Variants in NPAS4 observed in about 807,000 individuals in gnomAD.
NPAS4 encodes neuronal PAS domain protein 4.
In NPAS4, 10 loss-of-function variants were observed where a neutral mutation model predicts 64.0. That is an observed-to-expected ratio of 0.16 (90% CI 0.10 to 0.26). The LOEUF (loss-of-function observed/expected upper bound fraction) is 0.26. Ranked by LOEUF, NPAS4 falls within the 10% of genes least tolerant of loss-of-function variation. NPAS4 has a pLI of 1.00. For missense variants in NPAS4, 886 were observed against 992.6 expected, an observed-to-expected ratio of 0.89 and a Z score of 1.44; for synonymous variants, 441 against 411.7, an observed-to-expected ratio of 1.07 and a Z score of -0.86.
chr11:66,409,230 C>G, the NPAS4 span: 8 of 144,270 alleles, frequency 5.5e-5, no homozygotes, highest in African/African-American at 1.0e-4. Context: ...GAGCCCCGCG[C>G]CGGGCCGGGG....
In NPAS4 at chr11:66,423,191, C is replaced by T. The variant is rs1200884632; in HGVS notation, c.767C>T (p.Pro256Leu). The change falls in exon 5 of 8, where the codon CCC becomes CTC. Residue 256 changes from proline to leucine, a missense_variant. By Grantham distance (98) the Pro-to-Leu change is moderately conservative. This residue lies in a region of NPAS4 where 820 missense variants were observed against 855.5 expected (regional missense o/e 0.96). Transcript: ENST00000311034. ...LCKSWYGLLHPEDLAHASAQH... is the reference protein window; with the variant it reads ...LCKSWYGLLHLEDLAHASAQH... ...AAATCATGGTATGGACTGCTGCACC[C>T]CGAGGACCTGGCCCACGCTTCTGCT... is the stretch of plus-strand genomic sequence containing the variant. 6.2e-7 allele frequency: 1 copy of T among 1,611,072 alleles called. No homozygotes were observed. Among genetic ancestry groups the T allele is most frequent in the Non-Finnish European group, 8.5e-7 (1 of 1,178,418 alleles).
Position 66,423,030 on chromosome 11 carries a change from G to T in NPAS4, c.698+89G>T, listed in dbSNP as rs181561245. 170 of 1,524,274 alleles carry T rather than the reference G, an allele frequency of 1.1e-4. 1 individual carries two copies. The highest frequency in any genetic ancestry group is 9.1e-4 in the Admixed American group (48 of 53,004). The allele number at this position is 1,524,274 out of a possible 1,614,324, so 94.4% of individuals were successfully genotyped here. A position where few individuals can be genotyped will look rare whatever the true frequency, so the allele number is the denominator to read the frequency against. On this transcript the variant is annotated intron_variant, in intron 4 of 7. Coordinates refer to ENST00000311034, the MANE Select transcript of NPAS4 (RefSeq NM_178864.4). ...TGGAGTCAGGGGCAGGGAGGATGGG[G>T]TTTAGGGGGGCAGAGGATCTGGGAG...
rs769108452 is a variant in NPAS4 at position 66,424,621 on chromosome 11, T to G, written c.1731T>G (p.Ser577Arg). 14 of 1,613,960 alleles carry G rather than the reference T, an allele frequency of 8.7e-6. No homozygotes were observed. The highest frequency in any genetic ancestry group is 1.3e-5 in the African/African-American group (1 of 74,908). ...CSFLYEKLPP[S>R]PSSPGNGDCT... ...TTCTCTATGAGAAGTTGCCCCCAAG[T>G]CCTAGCAGCCCTGGTAATGGGGACT... The change falls in exon 7 of 8, where the codon AGT becomes AGG. Residue 577 changes from serine to arginine, a missense_variant. Around this residue, in one of 3 missense-constraint regions of NPAS4, gnomAD observed 820 missense variants for 855.5 expected, o/e 0.96. Transcript: ENST00000311034.
Position 66,426,066 on chromosome 11 carries a change from C to A in NPAS4, c.*77C>A. The A allele has an allele frequency of 2.2e-6, 2 of 929,970 alleles. No individual in the cohort carries two copies. The highest frequency in any genetic ancestry group is 3.3e-6 in the Non-Finnish European group (2 of 606,442). 57.6% of individuals were successfully genotyped at this position (929,970 alleles called of 1,614,324 possible). ...GGAGCCGCTCTCCACCCCCCCGGGA[C>A]TGTTGGGGGGATTCTGAGGGCCAGA... On this transcript the variant is annotated 3_prime_UTR_variant, in exon 8 of 8. Transcript: ENST00000311034.
At chr11:66,421,965 T>C (rs1482203080) in intron 1 of NPAS4, among the ~76,000 whole-genome samples, 155 bp from the exon 2 acceptor site, 8 of 152,258 alleles carry the variant, frequency 5.3e-5, no homozygotes, top group Non-Finnish European at 1.2e-4. Flanking sequence ...ACAGGTTCCC[T>C]GGCCAAGAGC....
rs746431206 is a variant in NPAS4 at position 66,424,447 on chromosome 11, C to T, written c.1557C>T (p.Phe519=). Residue 519 remains phenylalanine, a synonymous_variant, in exon 7 of 8, where the codon TTC becomes TTT. Coordinates refer to ENST00000311034, the MANE Select transcript of NPAS4 (RefSeq NM_178864.4). ...PDQLLPSTAT[F]PEPLGSPAHE... ...AGCTGCTTCCCAGCACAGCCACCTT[C>T]CCAGAGCCTCTGGGCAGCCCTGCCC... 4 of 1,614,184 alleles carry T rather than the reference C, an allele frequency of 2.5e-6. No homozygotes were observed. In the East Asian group the frequency reaches 8.9e-5, roughly 36 times the overall value.
Position 66,422,944 on chromosome 11 carries a change from A to C in NPAS4, c.698+3A>C, listed in dbSNP as rs775762013. The C allele has an allele frequency of 1.9e-6, 3 of 1,602,492 alleles. No homozygotes were observed. The highest frequency in any genetic ancestry group is 2.5e-6 in the Non-Finnish European group (3 of 1,179,040). On this transcript the variant is annotated splice_donor_region_variant and intron_variant, in intron 4 of 7. Coordinates refer to ENST00000311034, the MANE Select transcript of NPAS4 (RefSeq NM_178864.4). ...GCTCTACTGGACATCTCCGAGAGGT[A>C]AGCCTGGAGTGTTCAGATTCCAAGA...
the NPAS4 span, among the ~76,000 whole-genome samples, chr11:66,415,124 C>T: frequency 0.024 from 3,714 of 152,222 alleles, 71 homozygotes; most frequent in Non-Finnish European, 0.038. Context: ...AGACTAGGGT[C>T]GGAATAGGGA....
rs1856816505 is a variant in NPAS4 at position 66,424,951 on chromosome 11, A to G, written c.2061A>G (p.Lys687=). 2 of 1,614,072 alleles carry G rather than the reference A, an allele frequency of 1.2e-6. No homozygotes were observed. The highest frequency in any genetic ancestry group is 1.1e-5 in the South Asian group (1 of 91,082). Residue 687 remains lysine (K), a synonymous_variant, in exon 7 of 8, where the codon AAA becomes AAG. Coordinates refer to ENST00000311034, the MANE Select transcript of NPAS4 (RefSeq NM_178864.4). The part of the protein sequence containing the change: ...AGPPVLSLDL[K]PWKCQELDFL... Reference sequence around the variant, plus strand: ...CCCCTGTGCTCAGCCTGGACCTGAAACCCTGGAAATGCCAGGAGCTGGACT... The same window carrying G: ...CCCCTGTGCTCAGCCTGGACCTGAAGCCCTGGAAATGCCAGGAGCTGGACT...
At chr11:66,420,868 A>G (rs926810519), upstream of NPAS4, 11 of 330,210 alleles carry the variant, frequency 3.3e-5, no homozygotes, top group Non-Finnish European at 6.3e-5. Context: ...ATTCTACGTC[A>G]TGAGATGACG....
chr11:66,415,013 T>C, the NPAS4 span, among the ~76,000 whole-genome samples: 1 of 152,172 alleles, frequency 6.6e-6, no homozygotes, highest in Non-Finnish European at 1.5e-5. Context: ...AGGCCCAATA[T>C]CCCACAATAC....
chr11:66,414,978 C>G, the NPAS4 span, among the ~76,000 whole-genome samples: 1 of 152,186 alleles, frequency 6.6e-6, no homozygotes, highest in East Asian at 1.9e-4. Flanking sequence ...ATTCTTCCCC[C>G]CTGGGTCAGA....
In NPAS4 at chr11:66,426,204, C is replaced by G. The variant is rs1420823956; in HGVS notation, c.*215C>G. 1 of 553,422 alleles carries G rather than the reference C, an allele frequency of 1.8e-6. No individual in the cohort carries two copies. The highest frequency in any genetic ancestry group is 3.3e-6 in the Non-Finnish European group (1 of 307,600). The allele number at this position is 553,422 out of a possible 1,614,324, so 34.3% of individuals were successfully genotyped here. ...AAGAGACTTCGAGCGATCCCAGTTT[C>G]CATTTCAATCTGTATTCACTCGTAG... is the stretch of plus-strand genomic sequence containing the variant. On this transcript the variant is annotated 3_prime_UTR_variant, in exon 8 of 8. Transcript: ENST00000311034.
Position 66,425,004 on chromosome 11 carries a change from T to C in NPAS4, c.2114T>C (p.Leu705Pro). 1 of 1,614,084 alleles carries C rather than the reference T, an allele frequency of 6.2e-7. No homozygotes were observed. Among genetic ancestry groups the C allele is most frequent in the Non-Finnish European group, 8.5e-7 (1 of 1,179,984 alleles). Reference sequence around the variant, plus strand: ...CTGGCTGACCCTGATAACATGTTCCTGGAAGAGACGCCCGTGGAAGACATC... The same window carrying C: ...CTGGCTGACCCTGATAACATGTTCCCGGAAGAGACGCCCGTGGAAGACATC... ...DFLADPDNMF[L>P]EETPVEDIFM... The change falls in exon 7 of 8, where the codon CTG becomes CCG. Residue 705 changes from leucine to proline, a missense_variant. By Grantham distance (98) the Leu-to-Pro change is moderately conservative. Transcript: ENST00000311034.
At chr11:66,423,768 C>T in intron 6 of NPAS4, 55 bp downstream of exon 6, 1 of 1,609,918 alleles carries the variant, frequency 6.2e-7, no homozygotes, top group Non-Finnish European at 8.5e-7. Flanking sequence ...GGAGGAGACA[C>T]AAATCAGGGA....
intron 6 of NPAS4, 22 bp downstream of exon 6, chr11:66,423,735 T>A: frequency 1.9e-6 from 3 of 1,613,834 alleles, no homozygotes; most frequent in Non-Finnish European, 2.5e-6. Flanking sequence ...GCCAGGGGAC[T>A]AGGGGGCAGC....
the NPAS4 span, among the ~76,000 whole-genome samples, chr11:66,412,284 G>A: frequency 6.6e-6 from 1 of 152,240 alleles, no homozygotes; most frequent in African/African-American, 2.4e-5. Context: ...TCTGGCTTTG[G>A]TGAGCAGTGG....
the NPAS4 span, chr11:66,410,804 C>T: frequency 6.6e-6 from 1 of 152,316 alleles, no homozygotes; most frequent in African/African-American, 2.4e-5. Context: ...TGTGGGGTCC[C>T]TCTATGACTG....
At chr11:66,411,039 GC>G in the NPAS4 span, 2 of 152,494 alleles carry the variant, frequency 1.3e-5, no homozygotes, top group African/African-American at 4.8e-5. Flanking sequence ...GGTGGAAGAA[GC>G]AAAACTACAG....
Sources: gnomAD v4.1 joint callset for allele counts (sites outside exome capture counted in the v4.1 genomes callset) on GRCh38, gnomAD v4.1.1 for gene constraint, gnomAD v4.1.1 regional missense constraint, MANE v1.5 for transcripts, NCBI Gene and HGNC (gene_info 2026-07-23, HGNC 2026-07-21) for gene names.